PRRC2C: variants seen among roughly 807,000 people sequenced by gnomAD.
PRRC2C encodes the protein proline rich coiled-coil 2C.
In PRRC2C, 72 loss-of-function variants were observed where a neutral mutation model predicts 317.2. That is an observed-to-expected ratio of 0.23 (90% CI 0.19 to 0.28). PRRC2C has a LOEUF of 0.28. Among genes scored for constraint, PRRC2C ranks in the 10% least tolerant of loss-of-function variants. PRRC2C has a pLI of 1.00. For synonymous variants in PRRC2C, 1,296 were observed against 1,205.9 expected, an observed-to-expected ratio of 1.07 and a Z score of -1.55; for missense variants, 3,074 against 3,459.7, an observed-to-expected ratio of 0.89 and a Z score of 2.80.
chr1:171,496,199 C>CTTTT (rs528654548), intron 1 of PRRC2C, among the ~76,000 whole-genome samples: 6,250 of 75,084 alleles, frequency 0.083, 734 homozygotes, highest in East Asian at 0.11. Context: ...ATTTTTGTGC[C>CTTTT]TTTTTTTTTT....
Position 171,540,638 on chromosome 1 carries a change from A to G in PRRC2C, c.3172A>G (p.Lys1058Glu). ...VVVKPEKTEK[K>E]DLPPPPPPPQ... The stretch of plus-strand genomic sequence containing the variant: ...TGTAAAGCCTGAAAAGACGGAAAAG[A>G]AGGATCTTCCTCCTCCCCCACCACC... Residue 1058 changes from lysine (K) to glutamate (E), a missense_variant, in exon 16 of 35, where the codon AAG (lysine) becomes GAG (glutamate). By Grantham distance (56) the Lys-to-Glu change is moderately conservative. This residue lies in a region of PRRC2C where 1,320 missense variants were observed against 1,395.7 expected (regional missense o/e 0.95). Coordinates refer to ENST00000647382, the MANE Select transcript of PRRC2C (RefSeq NM_001387844.1). The G allele has an allele frequency of 6.2e-7, 1 of 1,613,944 alleles. No homozygotes were observed. Among genetic ancestry groups the G allele is most frequent in the African/African-American group, 1.3e-5 (1 of 75,024 alleles).
At chr1:171,550,294 G>A (rs1679941636) in intron 18 of PRRC2C, 54 bp downstream of exon 18, 1 of 1,453,400 alleles carries the variant, frequency 6.9e-7, no homozygotes, top group African/African-American at 1.4e-5. Flanking sequence ...TGCCCAAAGT[G>A]TATCAGCAAA....
rs1312127619 is a variant in PRRC2C at position 171,541,504 on chromosome 1, A to G, written c.4038A>G (p.Arg1346=). 7 of 1,613,650 alleles carry G rather than the reference A, an allele frequency of 4.3e-6. No homozygotes were observed. The highest frequency in any genetic ancestry group is 5.9e-6 in the Non-Finnish European group (7 of 1,179,748). The change falls in exon 16 of 35, where the codon AGA becomes AGG. Residue 1346 remains arginine (R), a synonymous_variant. Coordinates refer to ENST00000647382, the MANE Select transcript of PRRC2C (RefSeq NM_001387844.1). This position sits in a 1 kb window ranked among gnomAD's most constrained non-coding sequence, Gnocchi z 4.1. ...LPKGEPTRRG[R]GGTFRRGGRD... is the part of the protein sequence containing the mutation. ...AAGGAGAGCCTACAAGGAGAGGCAG[A>G]GGGGGAACATTCAGGCGTGGTGGAA...
intron 28 of PRRC2C, among the ~76,000 whole-genome samples, chr1:171,583,377 C>CG (rs397718691): frequency 0.022 from 1 of 46 alleles, no homozygotes; most frequent in African/African-American, 0.1. Flanking sequence ...TTAGGCTAGG[C>CG]TACGCAGGGC....
chr1:171,575,199 T>C, intron 25 of PRRC2C, 71 bp downstream of exon 25: 1 of 1,367,656 alleles, frequency 7.3e-7, no homozygotes. Flanking sequence ...TCTTCTTGTT[T>C]ACTATCTCTA....
chr1:171,517,394 C>A (rs1305628477), intron 5 of PRRC2C, among the ~76,000 whole-genome samples, 197 bp from the exon 6 acceptor site: 1 of 151,854 alleles, frequency 6.6e-6, no homozygotes, highest in Non-Finnish European at 1.5e-5. Context: ...GTGGTGACAC[C>A]CTCTGAGGTA....
chr1:171,577,604 A>G lies in PRRC2C; in HGVS notation c.7126A>G (p.Asn2376Asp). ...MPSLIAQQQQ[N>D]PQVYVSQSAA... Reference sequence around the variant, plus strand: ...TTCCCTTATTGCCCAGCAGCAACAGAATCCGCAAGTTTATGTGTCTCAGTC... The same window carrying G: ...TTCCCTTATTGCCCAGCAGCAACAGGATCCGCAAGTTTATGTGTCTCAGTC... The change falls in exon 26 of 35, where the codon AAT becomes GAT. Residue 2376 changes from asparagine to aspartate, a missense_variant. Transcript: ENST00000647382. The G allele has an allele frequency of 1.2e-6, 2 of 1,613,794 alleles. No homozygotes were observed. Among genetic ancestry groups the G allele is most frequent in the Non-Finnish European group, 1.7e-6 (2 of 1,179,790 alleles).
rs372434554 is a variant in PRRC2C, at chr1:171,535,131, A to G, written c.1874-297A>G. Among the ~76,000 whole-genome samples, 3 of 152,098 alleles carry G rather than the reference A, an allele frequency of 2.0e-5. No homozygotes were observed. The East Asian group carries it at 5.8e-4, about 29-fold the overall frequency. ...ATGTTTATTGAAACAAATAAAAAAT[A>G]TGTGGAGTTGGAAATGTTTCATTAT... On this transcript the variant is annotated intron_variant, in intron 12 of 34. Transcript: ENST00000647382.
intron 28 of PRRC2C, among the ~76,000 whole-genome samples, 164 bp from the exon 29 acceptor site, chr1:171,583,788 GCTTC>G (rs1306474532): frequency 1.3e-5 from 2 of 152,138 alleles, no homozygotes; most frequent in African/African-American, 4.8e-5. Flanking sequence ...GAATTTTTCA[GCTTC>G]CTTATGATCT....
chr1:171,540,731 T>C lies in PRRC2C; in HGVS notation c.3265T>C (p.Phe1089Leu). The C allele has an allele frequency of 6.2e-7, 1 of 1,613,862 alleles. No individual in the cohort carries two copies. The highest frequency in any genetic ancestry group is 8.5e-7 in the Non-Finnish European group (1 of 1,179,868). ...PPPIQPEAEK[F>L]PSTETATLAQ... ...ACCAATTCAACCAGAAGCAGAGAAA[T>C]TTCCTTCAACAGAAACTGCAACTTT... is the stretch of plus-strand genomic sequence containing the variant. The change falls in exon 16 of 35, where the codon TTT (phenylalanine) becomes CTT (leucine). Residue 1089 changes from phenylalanine to leucine, a missense_variant. Physicochemically the swap from Phe to Leu is conservative, Grantham distance 22. Coordinates refer to ENST00000647382, the MANE Select transcript of PRRC2C (RefSeq NM_001387844.1).
chr1:171,558,991 C>G (rs1279779513), intron 19 of PRRC2C, among the ~76,000 whole-genome samples: 1 of 152,208 alleles, frequency 6.6e-6, no homozygotes, highest in Non-Finnish European at 1.5e-5. Flanking sequence ...AATCCAGACA[C>G]AACATTCCCT....
At chr1:171,529,886 G>A (rs1000209372) in intron 11 of PRRC2C, among the ~76,000 whole-genome samples, 3 of 151,852 alleles carry the variant, frequency 2.0e-5, no homozygotes, top group African/African-American at 4.8e-5. Flanking sequence ...TCCTGAAATC[G>A]TTGTTATGAT....
intron 19 of PRRC2C, among the ~76,000 whole-genome samples, chr1:171,559,298 A>AAGTC (rs1286153796): frequency 6.6e-6 from 1 of 152,148 alleles, no homozygotes; most frequent in African/African-American, 2.4e-5. Flanking sequence ...GGCTAGAGAG[A>AAGTC]AGTCAATGCC....
chr1:171,572,716 T>A (rs1684993353), intron 24 of PRRC2C, among the ~76,000 whole-genome samples: 2 of 152,236 alleles, frequency 1.3e-5, no homozygotes, highest in African/African-American at 4.8e-5. Context: ...TTTTTATCAT[T>A]ATACTAGCAA....
At chr1:171,501,730 G>A (rs894555927) in intron 1 of PRRC2C, among the ~76,000 whole-genome samples, 1 of 152,150 alleles carries the variant, frequency 6.6e-6, no homozygotes, top group Non-Finnish European at 1.5e-5. Context: ...TACTTATTTT[G>A]ATATCCTCTA....
At chr1:171,498,921 C>T (rs1009485414) in intron 1 of PRRC2C, among the ~76,000 whole-genome samples, 3 of 152,184 alleles carry the variant, frequency 2.0e-5, no homozygotes, top group Non-Finnish European at 2.9e-5. Context: ...TCCACCTCAG[C>T]CTCCTGAGTA....
intron 12 of PRRC2C, among the ~76,000 whole-genome samples, chr1:171,533,677 G>A (rs1676284387): frequency 6.6e-6 from 1 of 152,140 alleles, no homozygotes; most frequent in African/African-American, 2.4e-5. Flanking sequence ...AGGCTGGAGT[G>A]CAGTGGCGGA....
At position 171,522,207 on chromosome 1, in the gene PRRC2C, C is replaced by A; in HGVS notation, c.781C>A (p.Pro261Thr). ...MFQQYPRMTYPPLHGPMRFPP... is the reference protein window; with the variant it reads ...MFQQYPRMTYTPLHGPMRFPP... Reference sequence around the variant, plus strand: ...CCAACAGTATCCGAGGATGACATATCCTCCTCTACATGGTCCCATGAGATT... The same window carrying A: ...CCAACAGTATCCGAGGATGACATATACTCCTCTACATGGTCCCATGAGATT... The change falls in exon 7 of 35, where the codon CCT becomes ACT. Residue 261 changes from proline to threonine, a missense_variant. Transcript: ENST00000647382. The A allele has an allele frequency of 6.3e-7, 1 of 1,594,484 alleles. No individual in the cohort carries two copies. Among genetic ancestry groups the A allele is most frequent in the Non-Finnish European group, 8.6e-7 (1 of 1,165,544 alleles).
chr1:171,526,803 A>ATTTTTTTT (rs1557918055), intron 10 of PRRC2C, among the ~76,000 whole-genome samples: 41 of 85,772 alleles, frequency 4.8e-4, no homozygotes, highest in South Asian at 1.9e-3. Flanking sequence ...TCAGAAATAT[A>ATTTTTTTT]TCTTTTTTTT....
Sources: gnomAD v4.1 joint callset for allele counts (sites outside exome capture counted in the v4.1 genomes callset) on GRCh38, gnomAD v4.1.1 for gene constraint, gnomAD v4.1.1 regional missense constraint, Gnocchi (gnomAD v3.1) non-coding constraint, MANE v1.5 for transcripts, NCBI Gene and HGNC (gene_info 2026-07-23, HGNC 2026-07-21) for gene names.